The following CYYR1 variants were observed in gnomAD, a reference collection of about 807,000 sequenced individuals.
CYYR1 encodes cysteine and tyrosine rich 1, also known as cysteine and tyrosine-rich protein 1.
CYYR1 carries 14 observed loss-of-function variants against 15.2 expected under a neutral mutation model. The ratio of observed to expected loss-of-function variants is 0.92; its 90% CI spans 0.61 to 1.44. The LOEUF is 1.44. Among genes scored for constraint, CYYR1 ranks in the 40% most tolerant of loss-of-function variants. CYYR1 has a pLI of 0.00. For missense variants in CYYR1, 228 were observed against 209.5 expected, an observed-to-expected ratio of 1.09 and a Z score of -0.54; for synonymous variants, 80 against 77.4, an observed-to-expected ratio of 1.03 and a Z score of -0.18.
intron 3 of CYYR1, chr21:26,478,065 C>A: frequency 1.3e-6 from 2 of 1,549,214 alleles, no homozygotes; most frequent in Non-Finnish European, 1.7e-6. Context: ...TGTACCAGGC[C>A]TGGTCTTACA....
chr21:26,483,454 A>C, intron 2 of CYYR1: 1 of 976,222 alleles, frequency 1.0e-6, no homozygotes, highest in Non-Finnish European at 1.2e-6. Context: ...TTGGAAGTTT[A>C]GTTTGCAAGC....
chr21:26,550,671 C>T (rs1979320676), intron 2 of CYYR1: 1 of 152,218 alleles, frequency 6.6e-6, no homozygotes, highest in Non-Finnish European at 1.5e-5. Flanking sequence ...AAGGCTTTAA[C>T]TCTCTTCAAG....
intron 2 of CYYR1, among the ~76,000 whole-genome samples, chr21:26,560,240 C>A (rs762302934): frequency 4.1e-4 from 63 of 152,080 alleles, no homozygotes; most frequent in Non-Finnish European, 7.6e-4. Flanking sequence ...ATATCTATTA[C>A]ATTTTCTTAT....
At chr21:26,540,233 C>T (rs921548379) in intron 2 of CYYR1, among the ~76,000 whole-genome samples, 1 of 152,040 alleles carries the variant, frequency 6.6e-6, no homozygotes, top group African/African-American at 2.4e-5. Context: ...ATAAAGACTC[C>T]CTGAAATCCC....
chr21:26,567,306 T>C (rs1174737111), intron 1 of CYYR1, among the ~76,000 whole-genome samples: 2 of 152,204 alleles, frequency 1.3e-5, no homozygotes, highest in Non-Finnish European at 2.9e-5. Context: ...TTGTAAATAA[T>C]GAAGAGTTTA....
intron 2 of CYYR1, chr21:26,550,660 CA>C (rs1481439022): frequency 5.3e-5 from 8 of 152,160 alleles, no homozygotes; most frequent in Non-Finnish European, 1.0e-4. Context: ...TAATCCAGAG[CA>C]AGGCTTTAAC....
rs941862206 is a variant in CYYR1, at chr21:26,517,283, A to G, written c.177-36854T>C. Among the ~76,000 whole-genome samples the G allele has an allele frequency of 5.9e-5, 9 of 152,316 alleles. No individual in the cohort carries two copies. In the South Asian group the frequency reaches 1.7e-3, roughly 28 times the overall value. ...GGATTAGTCAAGCCTGTCCTTCTGC[A>G]ATCCATTGTTTACTTCATATTATTA... On this transcript the variant is annotated intron_variant, in intron 2 of 3. Transcript: ENST00000652641.
chr21:26,523,876 GATGGGCATGTGGCCCA>G (rs536030103), intron 2 of CYYR1, among the ~76,000 whole-genome samples: 166 of 152,336 alleles, frequency 1.1e-3, no homozygotes, highest in African/African-American at 3.9e-3. Flanking sequence ...GATTAGAGTA[GATGGGCATGTGGCCCA>G]ATTCCACCAA....
At chr21:26,527,367 TA>T (rs2065880476) in intron 2 of CYYR1, among the ~76,000 whole-genome samples, 1 of 152,320 alleles carries the variant, frequency 6.6e-6, no homozygotes, top group South Asian at 2.1e-4. Flanking sequence ...TGATACCTTT[TA>T]ATTCTGTAAA....
chr21:26,523,004 T>A (rs1323264375), intron 2 of CYYR1, among the ~76,000 whole-genome samples: 1 of 152,186 alleles, frequency 6.6e-6, no homozygotes, highest in Non-Finnish European at 1.5e-5. Context: ...TTGTGCATGT[T>A]AGGTGATGAG....
At chr21:26,561,836 G>C (rs542391926) in intron 2 of CYYR1, among the ~76,000 whole-genome samples, 241 of 152,264 alleles carry the variant, frequency 1.6e-3, no homozygotes, top group African/African-American at 5.6e-3. Context: ...TTACAAAAGA[G>C]AATACCTTCA....
intron 2 of CYYR1, chr21:26,482,250 G>A (rs543873492): frequency 6.4e-6 from 6 of 933,648 alleles, no homozygotes; most frequent in Middle Eastern, 5.4e-4. Context: ...AATTATTATC[G>A]CATTTATTTT....
intron 3 of CYYR1, 30 bp from the exon 4 acceptor site, chr21:26,468,664 G>A (rs374012283): frequency 1.3e-5 from 20 of 1,512,364 alleles, no homozygotes; most frequent in Non-Finnish European, 1.7e-5. Flanking sequence ...GAACATCAAG[G>A]AGTTAGCAAA....
chr21:26,561,983 G>T (rs1239224971), intron 2 of CYYR1, among the ~76,000 whole-genome samples: 1 of 152,024 alleles, frequency 6.6e-6, no homozygotes, highest in Non-Finnish European at 1.5e-5. Flanking sequence ...TTTTACACTG[G>T]ATCTACTTTC....
intron 3 of CYYR1, chr21:26,478,019 G>A (rs770444099): frequency 7.8e-6 from 12 of 1,543,798 alleles, no homozygotes; most frequent in Non-Finnish European, 1.0e-5. Context: ...CTTTTCATGA[G>A]TTGTGTTCAT....
At chr21:26,482,131 C>G (rs147302852) in intron 2 of CYYR1, 79 of 298,456 alleles carry the variant, frequency 2.6e-4, no homozygotes, top group African/African-American at 1.7e-3. Flanking sequence ...TTTGGGAATG[C>G]AGATCTCTCA....
chr21:26,565,831 C>A (rs1980576238), intron 2 of CYYR1, among the ~76,000 whole-genome samples: 1 of 152,226 alleles, frequency 6.6e-6, no homozygotes, highest in South Asian at 2.1e-4. Flanking sequence ...TATTCATAAC[C>A]TCTCTTTTTC....
At chr21:26,558,543 G>A (rs533258505) in intron 2 of CYYR1, among the ~76,000 whole-genome samples, 1 of 152,222 alleles carries the variant, frequency 6.6e-6, no homozygotes, top group African/African-American at 2.4e-5. Flanking sequence ...TGACCAATGT[G>A]TCTCAGTTTG....
At chr21:26,489,015 A>G (rs889078310) in intron 2 of CYYR1, among the ~76,000 whole-genome samples, 56 of 152,182 alleles carry the variant, frequency 3.7e-4, no homozygotes, top group African/African-American at 1.3e-3. Context: ...CAAAATTGCT[A>G]TACAGTTTAA....
Sources: gnomAD v4.1 joint callset for allele counts (sites outside exome capture counted in the v4.1 genomes callset) on GRCh38, gnomAD v4.1.1 for gene constraint, MANE v1.5 for transcripts, NCBI Gene and HGNC (gene_info 2026-07-23, HGNC 2026-07-21) for gene names.